The following OSTF1 variants were observed in gnomAD, a reference collection of about 807,000 sequenced individuals.
The protein encoded by OSTF1 is osteoclast-stimulating factor 1.
In OSTF1, 27 loss-of-function variants were observed where a neutral mutation model predicts 37.2. The ratio of observed to expected loss-of-function variants is 0.73; its 90% CI spans 0.54 to 1.00. The LOEUF is 1.00. Among genes scored for constraint, OSTF1 ranks in the 50% least tolerant of loss-of-function variants. The pLI is 0.00. For missense variants in OSTF1, 232 were observed against 253.8 expected, an observed-to-expected ratio of 0.91 and a Z score of 0.58; for synonymous variants, 82 against 89.2, an observed-to-expected ratio of 0.92 and a Z score of 0.46.
rs140438771 is a variant in OSTF1, at chr9:75,132,534, A to G, written c.250+711A>G. Among the ~76,000 whole-genome samples, 611 of 152,278 alleles carry G rather than the reference A, an allele frequency of 4.0e-3. 1 individual carries two copies. Among genetic ancestry groups the G allele is most frequent in the Non-Finnish European group, 7.5e-3 (512 of 68,020 alleles). The stretch of plus-strand genomic sequence containing the variant: ...TGCCACACATCCTACAGCACACAGG[A>G]GCACCCCCACAATAAATCCAACCCC... On this transcript the variant is annotated intron_variant, in intron 5 of 9. Transcript: ENST00000346234.
chr9:75,132,298 G>A (rs911340880), intron 5 of OSTF1, among the ~76,000 whole-genome samples: 1 of 152,162 alleles, frequency 6.6e-6, no homozygotes, highest in African/African-American at 2.4e-5. Context: ...TGGCCAGGGA[G>A]GGCATGACTA....
At chr9:75,111,548 G>T (rs184268057) in intron 1 of OSTF1, among the ~76,000 whole-genome samples, 1 of 152,230 alleles carries the variant, frequency 6.6e-6, no homozygotes, top group Admixed American at 6.5e-5. Context: ...TTCATGCAAG[G>T]TTCACCTAAA....
chr9:75,109,510 A>G (rs1825348200), intron 1 of OSTF1, among the ~76,000 whole-genome samples: 1 of 152,220 alleles, frequency 6.6e-6, no homozygotes, highest in African/African-American at 2.4e-5. Flanking sequence ...TTCTTCTATT[A>G]TGTATAGTGT....
intron 1 of OSTF1, among the ~76,000 whole-genome samples, chr9:75,106,647 A>G (rs769608782): frequency 1.0e-3 from 76 of 73,142 alleles, no homozygotes; most frequent in African/African-American, 3.2e-3. Context: ...TTCCATCTCG[A>G]AAAAAAAAAA....
intron 2 of OSTF1, among the ~76,000 whole-genome samples, chr9:75,124,372 T>C (rs1207495249): frequency 6.6e-6 from 1 of 152,222 alleles, no homozygotes; most frequent in Non-Finnish European, 1.5e-5. Flanking sequence ...TTATTATTTC[T>C]TTCTAAATTT....
At chr9:75,094,985 G>A (rs1296027469) in intron 1 of OSTF1, among the ~76,000 whole-genome samples, 1 of 152,156 alleles carries the variant, frequency 6.6e-6, no homozygotes, top group Non-Finnish European at 1.5e-5. Context: ...GGCCAAGATC[G>A]TGCCACTGCA....
intron 3 of OSTF1, among the ~76,000 whole-genome samples, chr9:75,128,967 A>T (rs1825720729): frequency 3.9e-5 from 6 of 152,108 alleles, no homozygotes; most frequent in Admixed American, 3.9e-4. Flanking sequence ...TTTTCCATTG[A>T]AATGTACAGG....
chr9:75,141,578 AC>A (rs745362295), intron 9 of OSTF1, among the ~76,000 whole-genome samples: 5 of 152,144 alleles, frequency 3.3e-5, no homozygotes, highest in Non-Finnish European at 7.3e-5. Flanking sequence ...ATGAGTGATT[AC>A]CACTAAATAT....
rs768244510 is a variant in OSTF1 at position 75,117,478 on chromosome 9, G to A, written c.35-26G>A. 10 of 1,575,052 alleles carry A rather than the reference G, an allele frequency of 6.3e-6. No homozygotes were observed. In the African/African-American group the frequency reaches 1.2e-4, roughly 19 times the overall value. On this transcript the variant is annotated intron_variant, in intron 1 of 9. Transcript: ENST00000346234. ...AGCAAATTCAGGAATGAAAAATTCA[G>A]TTGTTGTTTTTTCTTCCTTTTTTAG...
intron 1 of OSTF1, among the ~76,000 whole-genome samples, chr9:75,102,906 C>T (rs1250479446): frequency 6.6e-6 from 1 of 152,158 alleles, no homozygotes; most frequent in African/African-American, 2.4e-5. Context: ...TGTGGGTGTA[C>T]TAGGCATGGC....
intron 1 of OSTF1, among the ~76,000 whole-genome samples, chr9:75,096,181 C>T (rs577419769): frequency 3.4e-4 from 52 of 152,270 alleles, no homozygotes; most frequent in Admixed American, 1.6e-3. Flanking sequence ...CGTGAGCCAC[C>T]GCGCCTGGAC....
At chr9:75,109,275 G>C (rs989586985) in intron 1 of OSTF1, among the ~76,000 whole-genome samples, 1 of 152,120 alleles carries the variant, frequency 6.6e-6, no homozygotes, top group Non-Finnish European at 1.5e-5. Flanking sequence ...ACCTCCCAAA[G>C]TGCTGGGATT....
intron 4 of OSTF1, 110 bp from the exon 5 acceptor site, chr9:75,131,660 T>C (rs1825762246): frequency 5.2e-6 from 4 of 765,546 alleles, no homozygotes; most frequent in Non-Finnish European, 9.4e-6. Context: ...GAAACTGTGT[T>C]GAATGCCCTG....
intron 8 of OSTF1, 36 bp downstream of exon 8, chr9:75,137,652 G>T (rs770381470): frequency 3.0e-5 from 41 of 1,371,334 alleles, no homozygotes; most frequent in Admixed American, 5.1e-5. Flanking sequence ...GTCTTTGCTT[G>T]CCCTGAAAAA....
At chr9:75,113,840 A>G (rs767168350) in intron 1 of OSTF1, among the ~76,000 whole-genome samples, 1 of 152,202 alleles carries the variant, frequency 6.6e-6, no homozygotes. Context: ...TCAAGTACAT[A>G]ATACATTGTT....
chr9:75,100,881 T>C (rs1461207374), intron 1 of OSTF1, among the ~76,000 whole-genome samples: 2 of 152,188 alleles, frequency 1.3e-5, no homozygotes, highest in African/African-American at 4.8e-5. Context: ...TCGGCGAGAA[T>C]GGTCCTGTAA....
At chr9:75,107,463 T>G (rs986436104) in intron 1 of OSTF1, among the ~76,000 whole-genome samples, 2 of 152,228 alleles carry the variant, frequency 1.3e-5, no homozygotes, top group African/African-American at 4.8e-5. Context: ...AATAATTCTC[T>G]TCCTCTTCTT....
At chr9:75,137,477 A>C in intron 7 of OSTF1, 61 bp from the exon 8 acceptor site, 1 of 1,102,134 alleles carries the variant, frequency 9.1e-7, no homozygotes, top group African/African-American at 1.5e-5. Context: ...ACCTGAATTA[A>C]CATGTACTTT....
chr9:75,109,173 C>T (rs776516599), intron 1 of OSTF1, among the ~76,000 whole-genome samples: 2 of 151,864 alleles, frequency 1.3e-5, no homozygotes, highest in African/African-American at 2.4e-5. Context: ...CCAACACGCC[C>T]GGCTAGTTTT....
Sources: gnomAD v4.1 joint callset for allele counts (sites outside exome capture counted in the v4.1 genomes callset) on GRCh38, gnomAD v4.1.1 for gene constraint, MANE v1.5 for transcripts, NCBI Gene and HGNC (gene_info 2026-07-23, HGNC 2026-07-21) for gene names.